The following AIG1 variants were observed in gnomAD, a reference collection of about 807,000 sequenced individuals.
AIG1 encodes the protein androgen-induced gene 1 protein.
A neutral mutation model predicts 31.4 loss-of-function variants in AIG1; 23 were observed. The observed-to-expected ratio is 0.73, with a 90% CI of 0.53 to 1.04. The LOEUF (loss-of-function observed/expected upper bound fraction) is 1.04. Ranked by LOEUF, AIG1 falls within the 50% of genes least tolerant of loss-of-function variation. The probability of loss-of-function intolerance (pLI) is 0.00; values close to 1 mark genes in which losing one functional copy is unlikely to be tolerated. For synonymous variants in AIG1, 100 were observed against 110.5 expected (o/e 0.90, Z 0.60); for missense variants, 274 against 295.0 (o/e 0.93, Z 0.52).
chr6:143,286,439 C>T (rs887511946), intron 4 of AIG1, among the ~76,000 whole-genome samples: 2 of 152,202 alleles, frequency 1.3e-5, no homozygotes, highest in African/African-American at 2.4e-5. Flanking sequence ...TCAAAGTAGA[C>T]TTTTTCCTTT....
chr6:143,263,311 G>A (rs1795937527), intron 3 of AIG1, among the ~76,000 whole-genome samples: 1 of 146,456 alleles, frequency 6.8e-6, no homozygotes, highest in Non-Finnish European at 1.5e-5. Context: ...ACTTACTTAA[G>A]CTTCTACTTC....
chr6:143,083,071 C>T (rs951370246), intron 1 of AIG1, among the ~76,000 whole-genome samples: 7 of 152,180 alleles, frequency 4.6e-5, no homozygotes, highest in African/African-American at 7.2e-5. Flanking sequence ...GAGGATAAGC[C>T]GATATAGGCT....
intron 1 of AIG1, among the ~76,000 whole-genome samples, chr6:143,069,570 G>A (rs566730834): frequency 6.6e-6 from 1 of 152,130 alleles, no homozygotes; most frequent in South Asian, 2.1e-4. Flanking sequence ...TTCCCCTCAT[G>A]ACTGAAGTTG....
intron 3 of AIG1, among the ~76,000 whole-genome samples, chr6:143,224,111 G>T (rs932013382): frequency 2.6e-5 from 4 of 152,108 alleles, no homozygotes; most frequent in Admixed American, 6.5e-5. Flanking sequence ...TCCGGTCCCA[G>T]GGTTTCAACT....
chr6:143,280,884 A>G lies in AIG1; in HGVS notation c.400-3226A>G, dbSNP rs1036027994. The stretch of plus-strand genomic sequence containing the variant: ...CCCCAAATCTAAAATAAAAGTTAAA[A>G]AAAAGTTCTGACTTTATGCTAGCTA... On this transcript the variant is annotated intron_variant, in intron 3 of 5. Coordinates refer to ENST00000357847, the MANE Select transcript of AIG1 (RefSeq NM_016108.4). The surrounding 1 kb of genome is among the most constrained non-coding windows in gnomAD (Gnocchi z 4.1). Among the ~76,000 whole-genome samples the G allele has an allele frequency of 6.6e-6, 1 of 152,218 alleles. No individual in the cohort carries two copies. The highest frequency in any genetic ancestry group is 2.4e-5 in the African/African-American group (1 of 41,448).
chr6:143,303,514 T>A (rs2128700184), intron 4 of AIG1, among the ~76,000 whole-genome samples: 1 of 152,346 alleles, frequency 6.6e-6, no homozygotes, highest in South Asian at 2.1e-4. Context: ...TTTCTCAGAT[T>A]TGTCAAAGAT....
downstream of AIG1, chr6:143,343,101 T>C (rs1777887426): frequency 2.6e-6 from 2 of 772,364 alleles, no homozygotes; most frequent in East Asian, 4.9e-5. Flanking sequence ...TCCTCGCAGC[T>C]GTCCGCACTA....
At position 143,162,848 on chromosome 6, in the gene AIG1, A is replaced by C. The variant is rs549241491; in HGVS notation, c.298-2234A>C. On this transcript the variant is annotated intron_variant, in intron 2 of 5. Transcript: ENST00000357847. ...GAGGCATACTCATGACTATGTGGGC[A>C]GGGAATTCCAGGCTCACAGTTACTC... is the stretch of plus-strand genomic sequence containing the variant. Among the ~76,000 whole-genome samples, 5 of 152,292 alleles carry C rather than the reference A, an allele frequency of 3.3e-5. No individual in the cohort carries two copies. In the East Asian group the frequency reaches 9.7e-4, roughly 29 times the overall value.
chr6:143,186,636 T>A (rs1016246182), intron 3 of AIG1: 7 of 152,380 alleles, frequency 4.6e-5, no homozygotes, highest in Middle Eastern at 3.4e-3. Context: ...CGTACTAATA[T>A]GTCTTTTTTG....
At chr6:143,116,545 T>G (rs1203899383) in intron 1 of AIG1, among the ~76,000 whole-genome samples, 1 of 151,180 alleles carries the variant, frequency 6.6e-6, no homozygotes, top group Non-Finnish European at 1.5e-5. Flanking sequence ...TAAAAGGCAG[T>G]GAAGGAAGCT....
At position 143,293,248 on chromosome 6, in the gene AIG1, T is replaced by C. The variant is rs4896633; in HGVS notation, c.515+9023T>C. Among the ~76,000 whole-genome samples, 41,410 of 152,028 alleles carry C rather than the reference T, an allele frequency of 0.27. 7,304 individuals carry two copies. The highest frequency in any genetic ancestry group is 0.5 in the African/African-American group (20,594 of 41,406). ...CTTATTTTATTTTCATTTTATCCTC[T>C]GTTCTTCATACGGGCTTTGGTCCTA... On this transcript the variant is annotated intron_variant, in intron 4 of 5. Coordinates refer to ENST00000357847, the MANE Select transcript of AIG1 (RefSeq NM_016108.4). The surrounding 1 kb of genome is among the most constrained non-coding windows in gnomAD (Gnocchi z 4.8).
At chr6:143,342,189 C>A, downstream of AIG1, 1 of 621,778 alleles carries the variant, frequency 1.6e-6, no homozygotes, top group Non-Finnish European at 3.0e-6. Flanking sequence ...TCTCAAAGTA[C>A]TGGGATTACA....
At chr6:143,342,174 T>C, downstream of AIG1, 1 of 589,930 alleles carries the variant, frequency 1.7e-6, no homozygotes, top group South Asian at 1.8e-5. Flanking sequence ...TCACCCGCCT[T>C]GGCCTCTCAA....
At chr6:143,095,973 C>G (rs1477663089) in intron 1 of AIG1, among the ~76,000 whole-genome samples, 3 of 132,426 alleles carry the variant, frequency 2.3e-5, no homozygotes, top group Admixed American at 9.3e-5. Flanking sequence ...GTGGCACGAT[C>G]TCGGCTCACT....
chr6:143,205,099 G>A (rs753356200), intron 3 of AIG1, among the ~76,000 whole-genome samples: 8 of 152,244 alleles, frequency 5.3e-5, no homozygotes, highest in Middle Eastern at 3.4e-3. Context: ...AACACATGTA[G>A]CACACCAAAC....
At chr6:143,187,315 C>A in intron 3 of AIG1, 1 of 1,279,782 alleles carries the variant, frequency 7.8e-7, no homozygotes, top group Non-Finnish European at 1.1e-6. Context: ...ACACATATGG[C>A]AAATATGAAC....
chr6:143,208,625 G>A (rs1468885989), intron 3 of AIG1, among the ~76,000 whole-genome samples: 1 of 152,072 alleles, frequency 6.6e-6, no homozygotes, highest in Admixed American at 6.6e-5. Flanking sequence ...CAAAATAGTG[G>A]CATCATAAAA....
At chr6:143,322,151 TGA>T (rs74585392) in intron 4 of AIG1, among the ~76,000 whole-genome samples, 20,054 of 151,948 alleles carry the variant, frequency 0.13, 1,556 homozygotes, top group East Asian at 0.36. Context: ...AGGTTGGTGA[TGA>T]GAGAGAGAGG....
Position 143,330,185 on chromosome 6 carries a change from A to G in AIG1, c.516-3097A>G, listed in dbSNP as rs2128721766. 6.6e-6 allele frequency among the ~76,000 whole-genome samples: 1 copy of G among 152,354 alleles called. No homozygotes were observed. Among genetic ancestry groups the G allele is most frequent in the South Asian group, 2.1e-4 (1 of 4,828 alleles). ...AGAACCACAGAATACAGCAATGAACATAATTGGACAAAATTCCTTTGCTCA... is the reference window on the plus strand; with the variant it reads ...AGAACCACAGAATACAGCAATGAACGTAATTGGACAAAATTCCTTTGCTCA... On this transcript the variant is annotated intron_variant, in intron 4 of 5. Transcript: ENST00000357847. This position sits in a 1 kb window ranked among gnomAD's most constrained non-coding sequence, Gnocchi z 4.4.
Sources: allele counts gnomAD v4.1 joint callset (sites outside exome capture counted in the v4.1 genomes callset), GRCh38; gene constraint gnomAD v4.1.1; non-coding constraint Gnocchi (gnomAD v3.1); transcripts MANE v1.5; gene names NCBI Gene and HGNC (gene_info 2026-07-23, HGNC 2026-07-21).